Variants in PRPSAP1 observed in about 807,000 individuals in gnomAD.
The protein encoded by PRPSAP1 is phosphoribosyl pyrophosphate synthetase associated protein 1.
Under a neutral mutation model 39.4 loss-of-function variants are expected in PRPSAP1, and 31 were observed. That is an observed-to-expected ratio of 0.79 (90% confidence interval 0.59 to 1.06). PRPSAP1 has a LOEUF of 1.06. PRPSAP1 is among the 50% of genes least tolerant of loss of function. PRPSAP1 has a pLI of 0.00. For missense variants in PRPSAP1, 430 were observed against 511.6 expected (o/e 0.84, Z 1.54); for synonymous variants, 212 against 192.6 (o/e 1.10, Z -0.83).
At chr17:76,330,166 C>A in intron 5 of PRPSAP1, 68 bp from the exon 6 acceptor site, 1 of 1,379,204 alleles carries the variant, frequency 7.3e-7, no homozygotes, top group South Asian at 1.2e-5. Context: ...TGCTGGTATT[C>A]AAGTTTTCCC....
chr17:76,313,710 T>C (rs1421760763), intron 8 of PRPSAP1, 111 bp downstream of exon 8: 1 of 1,197,152 alleles, frequency 8.4e-7, no homozygotes, highest in Admixed American at 1.9e-5. Flanking sequence ...TGAGAAAGGA[T>C]ACATGGATCC....
chr17:76,332,923 C>T (rs1254977364), intron 3 of PRPSAP1, among the ~76,000 whole-genome samples: 3 of 149,290 alleles, frequency 2.0e-5, no homozygotes, highest in African/African-American at 7.4e-5. Flanking sequence ...GACGGAGTCT[C>T]GCTGTCGCCC....
chr17:76,353,661 A>G lies in PRPSAP1; in HGVS notation c.43T>C (p.Ser15Pro). ...CGGGCGCGCGGGACGCGGAAAGCCG[A>G]GGACGCGGAGGGCGGGGGCAACAGC... ...LLLLPPPSAS[S>P]AFRVPRARPV... The change falls in exon 1 of 10, where the codon TCG (serine) becomes CCG (proline). Residue 15 changes from serine (S) to proline (P), a missense_variant. Physicochemically the swap from Ser to Pro is moderately conservative, Grantham distance 74. Coordinates refer to ENST00000446526, the MANE Select transcript of PRPSAP1 (RefSeq NM_002766.3). The G allele has an allele frequency of 6.6e-7, 1 of 1,526,506 alleles. No individual in the cohort carries two copies. Among genetic ancestry groups the G allele is most frequent in the East Asian group, 2.6e-5 (1 of 38,374 alleles). The allele number at this position is 1,526,506 out of a possible 1,614,324, so 94.6% of individuals were successfully genotyped here. A position where few individuals can be genotyped will look rare whatever the true frequency, so the allele number is the denominator to read the frequency against.
At chr17:76,331,299 T>C (rs558633494) in intron 4 of PRPSAP1, among the ~76,000 whole-genome samples, 2 of 152,316 alleles carry the variant, frequency 1.3e-5, no homozygotes, top group East Asian at 3.9e-4. Flanking sequence ...CCAGTATTAC[T>C]TGTTCTTTCC....
chr17:76,342,373 T>A (rs2071448950), intron 3 of PRPSAP1, among the ~76,000 whole-genome samples: 1 of 152,116 alleles, frequency 6.6e-6, no homozygotes, highest in Non-Finnish European at 1.5e-5. Context: ...TTGAGGGACA[T>A]TCGACAAAGT....
intron 7 of PRPSAP1, among the ~76,000 whole-genome samples, chr17:76,321,244 G>A (rs2071194846): frequency 6.6e-6 from 1 of 152,024 alleles, no homozygotes; most frequent in African/African-American, 2.4e-5. Flanking sequence ...GGGGCAGCAT[G>A]AACCATGCTC....
At chr17:76,324,922 G>C (rs3110499) in intron 7 of PRPSAP1, among the ~76,000 whole-genome samples, 25 of 150,610 alleles carry the variant, frequency 1.7e-4, no homozygotes, top group Admixed American at 3.3e-4. Context: ...AAAAAAATTA[G>C]CCAGGTGTGG....
intron 3 of PRPSAP1, among the ~76,000 whole-genome samples, chr17:76,335,000 C>T (rs1334319815): frequency 6.6e-6 from 1 of 152,192 alleles, no homozygotes; most frequent in Non-Finnish European, 1.5e-5. Context: ...AGCCAAAGGC[C>T]ATCTGGGACC....
chr17:76,350,950 G>C (rs1363167829), intron 1 of PRPSAP1, among the ~76,000 whole-genome samples: 3 of 152,112 alleles, frequency 2.0e-5, no homozygotes, highest in Admixed American at 2.0e-4. Context: ...AGAATCACTT[G>C]AACTCGGGAG....
chr17:76,341,332 G>C (rs746224829), intron 3 of PRPSAP1, among the ~76,000 whole-genome samples: 1 of 148,410 alleles, frequency 6.7e-6, no homozygotes, highest in African/African-American at 2.5e-5. Flanking sequence ...CGACCACCCA[G>C]GCTCAAGCAA....
rs546607907 is a variant in PRPSAP1 at position 76,312,380 on chromosome 17, T to G, written c.999+490A>C. Among the ~76,000 whole-genome samples the G allele has an allele frequency of 2.0e-5, 3 of 151,050 alleles. No individual in the cohort carries two copies. The Admixed American group carries it at 2.0e-4, about 10-fold the overall frequency. ...TGAACCCGGGAGGCAGAGGTTGCAG[T>G]GAGCCGAGATTGCCACACTGCACTC... is the stretch of plus-strand genomic sequence containing the variant. On this transcript the variant is annotated intron_variant, in intron 9 of 9. Transcript: ENST00000446526.
At chr17:76,330,125 A>G in intron 5 of PRPSAP1, 27 bp from the exon 6 acceptor site, 1 of 1,591,336 alleles carries the variant, frequency 6.3e-7, no homozygotes, top group Non-Finnish European at 8.6e-7. Context: ...AATAGAAAAT[A>G]CTGAAAAGTT....
chr17:76,312,664 C>T, intron 9 of PRPSAP1: 2 of 491,388 alleles, frequency 4.1e-6, no homozygotes, highest in Non-Finnish European at 6.9e-6. Flanking sequence ...TTTGCATCAT[C>T]ATAAAGTCAA....
In PRPSAP1 at chr17:76,312,917, G is replaced by A. The variant is rs1233701275; in HGVS notation, c.952C>T (p.Leu318=). 6.2e-7 allele frequency: 1 copy of A among 1,614,172 alleles called. No homozygotes were observed. The highest frequency in any genetic ancestry group is 1.1e-5 in the South Asian group (1 of 91,086). The change falls in exon 9 of 10, where the codon CTG becomes TTG. Residue 318 remains leucine (L), a synonymous_variant. Transcript: ENST00000446526. ...KIYVMATHGI[L]SAEAPRLIEE... ...ATCAGGCGAGGGGCCTCTGCAGACA[G>A]GATGCCGTGGGTGGCCATAACATAG...
rs114281442 is a variant in PRPSAP1, at chr17:76,348,878, C to T, written c.171-297G>A. Among the ~76,000 whole-genome samples the T allele has an allele frequency of 6.4e-3, 973 of 152,236 alleles. 10 individuals are homozygous for T. Among genetic ancestry groups the T allele is most frequent in the African/African-American group, 0.022 (906 of 41,526 alleles). On this transcript the variant is annotated intron_variant, in intron 1 of 9. Coordinates refer to ENST00000446526, the MANE Select transcript of PRPSAP1 (RefSeq NM_002766.3). ...AAAATCACTTCCAAATACTTGGTTA[C>T]AAGCAATGATTTCAATAACACACAC...
chr17:76,340,918 C>T (rs1407533617), intron 3 of PRPSAP1, among the ~76,000 whole-genome samples: 30 of 144,818 alleles, frequency 2.1e-4, no homozygotes, highest in Admixed American at 1.3e-3. Flanking sequence ...AAAAAAAAAG[C>T]GGGGGGTAGG....
chr17:76,340,012 C>A lies in PRPSAP1; in HGVS notation c.290+4659G>T, dbSNP rs144958871. Among the ~76,000 whole-genome samples the A allele has an allele frequency of 2.6e-3, 390 of 151,382 alleles. 10 individuals carry two copies. The highest frequency in any genetic ancestry group is 8.9e-3 in the African/African-American group (364 of 40,892). On this transcript the variant is annotated intron_variant, in intron 3 of 9. Coordinates refer to ENST00000446526, the MANE Select transcript of PRPSAP1 (RefSeq NM_002766.3). ...CATGCATGGTGGCATGTGCCTGTAG[C>A]CCCAGCTACTTGGGAGGGTAAGACG... is the stretch of plus-strand genomic sequence containing the variant.
chr17:76,336,759 A>G (rs1219746387), intron 3 of PRPSAP1, among the ~76,000 whole-genome samples: 4 of 126,244 alleles, frequency 3.2e-5, no homozygotes, highest in Non-Finnish European at 5.1e-5. Context: ...AAAAAAAAAG[A>G]GCAATTTCCC....
intron 1 of PRPSAP1, among the ~76,000 whole-genome samples, chr17:76,350,424 G>A (rs2071556337): frequency 6.6e-6 from 1 of 151,500 alleles, no homozygotes; most frequent in African/African-American, 2.4e-5. Flanking sequence ...GTGCGACAGA[G>A]TGAGATTCCG....
Sources: gnomAD v4.1 joint callset for allele counts (sites outside exome capture counted in the v4.1 genomes callset) on GRCh38, gnomAD v4.1.1 for gene constraint, MANE v1.5 for transcripts, NCBI Gene and HGNC (gene_info 2026-07-23, HGNC 2026-07-21) for gene names.